RASSF3: variants seen among roughly 807,000 people sequenced by gnomAD.
RASSF3 encodes the protein ras association domain-containing protein 3.
A neutral mutation model predicts 19.9 loss-of-function variants in RASSF3; 19 were observed. That is an observed-to-expected ratio of 0.96 (90% CI 0.67 to 1.40). The LOEUF is 1.40. Among genes scored for constraint, RASSF3 ranks in the 40% most tolerant of loss-of-function variants. The pLI, the probability that RASSF3 is intolerant of heterozygous loss-of-function variation, is 0.00. For missense variants in RASSF3, 306 were observed against 289.8 expected (o/e 1.06, Z -0.41); for synonymous variants, 110 against 104.2 (o/e 1.06, Z -0.34).
chr12:64,569,147 C>T (rs1156446758), intron 2 of RASSF3, among the ~76,000 whole-genome samples: 1 of 152,264 alleles, frequency 6.6e-6, no homozygotes, highest in African/African-American at 2.4e-5. Context: ...TGTAAACCCA[C>T]TCAAGTGCTC....
At chr12:64,551,591 G>A (rs1869164739) in intron 2 of RASSF3, among the ~76,000 whole-genome samples, 1 of 152,128 alleles carries the variant, frequency 6.6e-6, no homozygotes, top group African/African-American at 2.4e-5. Context: ...TAATATGCAT[G>A]TAGTAAATGT....
intron 4 of RASSF3, among the ~76,000 whole-genome samples, chr12:64,691,805 T>C (rs1868290804): frequency 1.6e-5 from 2 of 123,568 alleles, no homozygotes; most frequent in African/African-American, 5.5e-5. Context: ...CACAACCTTA[T>C]ATTATTAGTC....
chr12:64,614,435 T>G (rs1019412598), intron 1 of RASSF3, among the ~76,000 whole-genome samples: 3 of 151,798 alleles, frequency 2.0e-5, no homozygotes, highest in African/African-American at 7.3e-5. Flanking sequence ...GCCCCTGATC[T>G]TTACCATTTT....
intron 1 of RASSF3, among the ~76,000 whole-genome samples, chr12:64,516,359 C>G (rs2136100460): frequency 6.6e-6 from 1 of 152,284 alleles, no homozygotes; most frequent in Non-Finnish European, 1.5e-5. Flanking sequence ...GTGGCTCACG[C>G]CTGTAATCCC....
chr12:64,658,630 T>A (rs1872240787), intron 1 of RASSF3, among the ~76,000 whole-genome samples: 1 of 151,892 alleles, frequency 6.6e-6, no homozygotes, highest in African/African-American at 2.4e-5. Flanking sequence ...AGTGAAACCC[T>A]GTCTCTACTA....
chr12:64,534,812 A>C (rs1374614678), intron 1 of RASSF3, among the ~76,000 whole-genome samples: 1 of 152,176 alleles, frequency 6.6e-6, no homozygotes, highest in African/African-American at 2.4e-5. Context: ...TCTTCATGCT[A>C]AGCTATGGAA....
upstream of RASSF3, among the ~76,000 whole-genome samples, chr12:64,606,921 C>T (rs1165340273): frequency 4.6e-5 from 7 of 152,156 alleles, no homozygotes; most frequent in South Asian, 1.2e-3. Context: ...CTTAACATGA[C>T]ATTTTGAATT....
rs1362289490 is a variant in RASSF3 at position 64,697,556 on chromosome 12, A to G, written c.*2644A>G. On this transcript the variant is annotated 3_prime_UTR_variant, in exon 5 of 5. Coordinates refer to ENST00000542104, the MANE Select transcript of RASSF3 (RefSeq NM_178169.4). ...AAATTGTTTCCATTATTAAAAATTGAAGTTATTAGTTGTTTATGTGTGTTT... is the reference window on the plus strand; with the variant it reads ...AAATTGTTTCCATTATTAAAAATTGGAGTTATTAGTTGTTTATGTGTGTTT... 1 of 152,180 alleles carries G rather than the reference A, an allele frequency of 6.6e-6. No individual in the cohort carries two copies. The highest frequency in any genetic ancestry group is 6.5e-5 in the Admixed American group (1 of 15,274). 9.4% of individuals were successfully genotyped at this position (152,180 alleles called of 1,614,324 possible). A position where few individuals can be genotyped will look rare whatever the true frequency, so the allele number is the denominator to read the frequency against.
At chr12:64,635,163 AG>A (rs1871293257) in intron 1 of RASSF3, among the ~76,000 whole-genome samples, 1 of 151,968 alleles carries the variant, frequency 6.6e-6, no homozygotes, top group East Asian at 1.9e-4. Flanking sequence ...CATGTTTCCA[AG>A]GCTGGTCTCA....
At chr12:64,519,745 A>G (rs1027150735) in intron 1 of RASSF3, among the ~76,000 whole-genome samples, 4 of 151,998 alleles carry the variant, frequency 2.6e-5, no homozygotes, top group African/African-American at 9.7e-5. Context: ...AAGATTAATT[A>G]CCTAAGCAAT....
chr12:64,562,053 TGTTGCCCAGGCTGGAATGCAGTG>T (rs1565839646), intron 2 of RASSF3, among the ~76,000 whole-genome samples: 4 of 150,458 alleles, frequency 2.7e-5, no homozygotes, highest in South Asian at 2.1e-4. Flanking sequence ...AGTCTTGCTC[TGTTGCCCAGGCTGGAATGCAGTG>T]GTTGCCCAGG....
intron 1 of RASSF3, among the ~76,000 whole-genome samples, chr12:64,635,870 A>C (rs900910402): frequency 6.6e-6 from 1 of 152,192 alleles, no homozygotes; most frequent in Non-Finnish European, 1.5e-5. Flanking sequence ...ACTAGTTTGA[A>C]GTCAAATAGT....
chr12:64,516,567 C>T (rs1409568219), intron 1 of RASSF3, among the ~76,000 whole-genome samples: 2 of 145,694 alleles, frequency 1.4e-5, no homozygotes, highest in Non-Finnish European at 3.0e-5. Context: ...TGCAGTGAGC[C>T]GAGATCCCGC....
At chr12:64,614,856 C>T (rs1317705786) in intron 1 of RASSF3, among the ~76,000 whole-genome samples, 2 of 151,426 alleles carry the variant, frequency 1.3e-5, no homozygotes, top group South Asian at 4.1e-4. Context: ...CGCTGCCAGG[C>T]CTGGCTTTTT....
intron 2 of RASSF3, among the ~76,000 whole-genome samples, chr12:64,580,491 G>A (rs958118237): frequency 6.6e-6 from 1 of 151,734 alleles, no homozygotes; most frequent in African/African-American, 2.4e-5. Context: ...TTGAGTCCAG[G>A]AGATCGAGGC....
intron 1 of RASSF3, among the ~76,000 whole-genome samples, chr12:64,676,166 A>ATT (rs35376691): frequency 0.07 from 7,484 of 106,246 alleles, 311 homozygotes; most frequent in Non-Finnish European, 0.09. Context: ...CAGGAGTAGA[A>ATT]TTTTTTTTTT....
At chr12:64,559,486 G>A (rs146082413) in intron 2 of RASSF3, among the ~76,000 whole-genome samples, 2,702 of 151,996 alleles carry the variant, frequency 0.018, 73 homozygotes, top group African/African-American at 0.062. Context: ...AGCCAGGATG[G>A]TCTCGATCTC....
At chr12:64,516,054 A>G (rs1868362333) in intron 1 of RASSF3, among the ~76,000 whole-genome samples, 1 of 152,016 alleles carries the variant, frequency 6.6e-6, no homozygotes, top group Non-Finnish European at 1.5e-5. Context: ...GGTATTTTCA[A>G]TATATGTTGT....
intron 1 of RASSF3, among the ~76,000 whole-genome samples, chr12:64,651,993 C>T (rs946798798): frequency 5.9e-5 from 9 of 152,096 alleles, no homozygotes; most frequent in African/African-American, 2.2e-4. Context: ...CTTGGTGACT[C>T]TTATGTATTA....
Sources: gnomAD v4.1 joint callset for allele counts (sites outside exome capture counted in the v4.1 genomes callset) on GRCh38, gnomAD v4.1.1 for gene constraint, MANE v1.5 for transcripts, NCBI Gene and HGNC (gene_info 2026-07-23, HGNC 2026-07-21) for gene names.